The following ACTR3C variants were observed in gnomAD, a reference collection of about 807,000 sequenced individuals.
The protein encoded by ACTR3C is actin related protein 3C.
In ACTR3C, 18 loss-of-function variants were observed where a neutral mutation model predicts 26.3. That is an observed-to-expected ratio of 0.68 (90% CI 0.47 to 1.01). The LOEUF (loss-of-function observed/expected upper bound fraction) is 1.01, where lower values mean the gene tolerates loss of function less well. Among genes scored for constraint, ACTR3C ranks in the 50% least tolerant of loss-of-function variants. ACTR3C has a pLI of 0.00. For missense variants in ACTR3C, 184 were observed against 250.7 expected (o/e 0.73, Z 1.80); for synonymous variants, 55 against 94.5 (o/e 0.58, Z 2.42).
chr7:150,226,519 C>T, the ACTR3C span, among the ~76,000 whole-genome samples: 1 of 152,186 alleles, frequency 6.6e-6, no homozygotes, highest in African/African-American at 2.4e-5. Context: ...TCACTGCAAC[C>T]TCTGCCTCCT....
At chr7:150,252,686 C>T (rs1044382156) in intron 6 of ACTR3C, among the ~76,000 whole-genome samples, 1 of 152,190 alleles carries the variant, frequency 6.6e-6, no homozygotes, top group African/African-American at 2.4e-5. Flanking sequence ...AAAAGCTTTG[C>T]ATAAAACAAT....
the ACTR3C span, among the ~76,000 whole-genome samples, chr7:149,912,920 T>TA: frequency 1.3e-5 from 2 of 152,212 alleles, no homozygotes; most frequent in Admixed American, 1.3e-4. Flanking sequence ...TCTAATATAA[T>TA]ATCTTTCCAT....
the ACTR3C span, among the ~76,000 whole-genome samples, chr7:149,918,315 A>G: frequency 2.0e-5 from 3 of 152,130 alleles, no homozygotes; most frequent in Non-Finnish European, 4.4e-5. Flanking sequence ...TGGACTAAAC[A>G]TATTATCTAA....
chr7:150,188,328 C>CA, the ACTR3C span, among the ~76,000 whole-genome samples: 1 of 151,690 alleles, frequency 6.6e-6, no homozygotes, highest in Non-Finnish European at 1.5e-5. Context: ...TGTTCCACTG[C>CA]ATGAAAGTAA....
chr7:150,038,217 G>A, the ACTR3C span, among the ~76,000 whole-genome samples: 1 of 144,144 alleles, frequency 6.9e-6, no homozygotes, highest in Non-Finnish European at 1.5e-5. Context: ...TACTAGCAGG[G>A]CAGTTGCTGC....
chr7:150,005,568 C>T, the ACTR3C span, among the ~76,000 whole-genome samples: 1 of 152,018 alleles, frequency 6.6e-6, no homozygotes, highest in East Asian at 1.9e-4. Flanking sequence ...GGAGGGTCAG[C>T]AGAGGCAGTG....
At chr7:150,114,795 CCTTT>C in the ACTR3C span, among the ~76,000 whole-genome samples, 1 of 152,008 alleles carries the variant, frequency 6.6e-6, no homozygotes, top group African/African-American at 2.4e-5. Flanking sequence ...ATTTTTTCTC[CCTTT>C]CTCTCTCTGG....
chr7:150,252,308 T>C (rs1053149915), intron 6 of ACTR3C, among the ~76,000 whole-genome samples: 1 of 152,206 alleles, frequency 6.6e-6, no homozygotes, highest in Non-Finnish European at 1.5e-5. Flanking sequence ...TTCATTGCCC[T>C]GGCTCCAAAA....
At chr7:150,170,319 A>T in the ACTR3C span, among the ~76,000 whole-genome samples, 2 of 150,820 alleles carry the variant, frequency 1.3e-5, no homozygotes, top group African/African-American at 5.0e-5. Context: ...CCCAGTTTTG[A>T]AGGTGGCATC....
At chr7:150,175,552 G>A in the ACTR3C span, among the ~76,000 whole-genome samples, 3 of 150,008 alleles carry the variant, frequency 2.0e-5, 1 homozygote, top group African/African-American at 7.6e-5. Flanking sequence ...AGTGGCTCAT[G>A]CCTGTAATCC....
At chr7:150,019,755 G>A in the ACTR3C span, among the ~76,000 whole-genome samples, 1 of 151,896 alleles carries the variant, frequency 6.6e-6, no homozygotes, top group African/African-American at 2.4e-5. Context: ...TTGGGGTAGA[G>A]GCCAGGGGGC....
chr7:150,151,888 A>G, the ACTR3C span, among the ~76,000 whole-genome samples: 2 of 138,302 alleles, frequency 1.4e-5, 1 homozygote, highest in South Asian at 5.8e-4. Context: ...ATAATAATAA[A>G]AAAAATTTCC....
the ACTR3C span, among the ~76,000 whole-genome samples, chr7:150,069,270 C>G: frequency 6.6e-6 from 1 of 152,020 alleles, no homozygotes; most frequent in African/African-American, 2.4e-5. Flanking sequence ...ATAATTATGA[C>G]CTTTTTGTTT....
At chr7:150,231,912 A>G in the ACTR3C span, among the ~76,000 whole-genome samples, 1 of 152,082 alleles carries the variant, frequency 6.6e-6, no homozygotes, top group Non-Finnish European at 1.5e-5. Context: ...CCTCAAGTCA[A>G]CTGTATTCAC....
At chr7:149,920,615 C>G in the ACTR3C span, among the ~76,000 whole-genome samples, 17 of 151,330 alleles carry the variant, frequency 1.1e-4, no homozygotes, top group East Asian at 1.8e-3. Context: ...GCCCAGTCCC[C>G]CTACATTCTT....
chr7:150,099,673 C>T, the ACTR3C span, among the ~76,000 whole-genome samples: 1 of 151,566 alleles, frequency 6.6e-6, no homozygotes, highest in African/African-American at 2.4e-5. Flanking sequence ...AGAAGGAAAC[C>T]CTTCATGAGA....
At chr7:149,891,340 G>A in the ACTR3C span, 434,414 of 756,410 alleles carry the variant, frequency 0.57, 139,413 homozygotes, top group East Asian at 0.78. Context: ...GCCTCAGTTC[G>A]CAACAATAAG....
the ACTR3C span, among the ~76,000 whole-genome samples, chr7:150,144,021 A>G: frequency 6.6e-6 from 1 of 152,254 alleles, no homozygotes; most frequent in South Asian, 2.1e-4. This position sits in a 1 kb window ranked among gnomAD's most constrained non-coding sequence, Gnocchi z 4.6. Context: ...AGAGCTTGCA[A>G]ATTAAATCCA....
chr7:149,923,425 T>G, the ACTR3C span, among the ~76,000 whole-genome samples: 1 of 152,176 alleles, frequency 6.6e-6, no homozygotes, highest in African/African-American at 2.4e-5. Flanking sequence ...TATATATATC[T>G]ATATCAGATA....
Sources: gnomAD v4.1 joint callset for allele counts (sites outside exome capture counted in the v4.1 genomes callset) on GRCh38, gnomAD v4.1.1 for gene constraint, Gnocchi (gnomAD v3.1) non-coding constraint, MANE v1.5 for transcripts, NCBI Gene and HGNC (gene_info 2026-07-23, HGNC 2026-07-21) for gene names.